The following CUBN variants were observed in gnomAD, a reference collection of about 807,000 sequenced individuals.
CUBN encodes cubilin.
A neutral mutation model predicts 405.3 loss-of-function variants in CUBN; 282 were observed. The ratio of observed to expected loss-of-function variants is 0.70; its 90% CI spans 0.63 to 0.77. The LOEUF (loss-of-function observed/expected upper bound fraction) is 0.77. CUBN is among the 30% of genes least tolerant of loss of function. CUBN has a pLI of 0.00. For synonymous variants in CUBN, 1,684 were observed against 1,617.0 expected, an observed-to-expected ratio of 1.04 and a Z score of -0.99; for missense variants, 4,514 against 4,475.2, an observed-to-expected ratio of 1.01 and a Z score of -0.25.
chr10:16,942,523 CAA>C (rs1842677825), intron 36 of CUBN, among the ~76,000 whole-genome samples: 1 of 152,128 alleles, frequency 6.6e-6, no homozygotes, highest in African/African-American at 2.4e-5. Context: ...ATCAAAACCA[CAA>C]AGAGATAACA....
At chr10:16,997,161 C>T (rs1373319978) in intron 28 of CUBN, among the ~76,000 whole-genome samples, 10 of 152,240 alleles carry the variant, frequency 6.6e-5, no homozygotes, top group East Asian at 5.8e-4. Context: ...GTGGGCTGGG[C>T]GCAGTGGCTC....
chr10:17,089,318 A>T (rs1485396766), intron 14 of CUBN, among the ~76,000 whole-genome samples: 1 of 152,242 alleles, frequency 6.6e-6, no homozygotes, highest in East Asian at 1.9e-4. Context: ...TTTAAAAGTT[A>T]CCAGTTTTAA....
rs1840446108 is a variant in CUBN at position 16,874,493 on chromosome 10, A to G, written c.9117T>C (p.Gly3039=). Residue 3039 remains glycine (G), a synonymous_variant, in exon 58 of 67, where the codon GGT becomes GGC. Transcript: ENST00000377833. The part of the protein sequence containing the change: ...KFSYRIISCG[G]VFNFSSGIIT... Reference sequence around the variant, plus strand: ...TGATTCCAGAAGAGAAATTGAACACACCACCACAGGCTGCAACAGAAGACA... The same window carrying G: ...TGATTCCAGAAGAGAAATTGAACACGCCACCACAGGCTGCAACAGAAGACA... The G allele has an allele frequency of 6.2e-7, 1 of 1,614,188 alleles. No homozygotes were observed.
chr10:17,047,234 G>A (rs1348592393), intron 23 of CUBN, among the ~76,000 whole-genome samples, 180 bp downstream of exon 23: 1 of 152,092 alleles, frequency 6.6e-6, no homozygotes, highest in Non-Finnish European at 1.5e-5. Flanking sequence ...AGAATCTTAT[G>A]CAATTCCTGT....
At chr10:16,895,215 C>G (rs937051690) in intron 54 of CUBN, among the ~76,000 whole-genome samples, 3 of 152,026 alleles carry the variant, frequency 2.0e-5, no homozygotes, top group Admixed American at 6.6e-5. Context: ...TATTTCAATT[C>G]CTTGACTTGG....
At chr10:17,008,999 T>A (rs1000769733) in intron 28 of CUBN, among the ~76,000 whole-genome samples, 1 of 152,204 alleles carries the variant, frequency 6.6e-6, no homozygotes, top group African/African-American at 2.4e-5. Flanking sequence ...ACCTCTCCCA[T>A]GGAAGAGCTC....
At chr10:17,122,052 A>G (rs1265150416) in intron 6 of CUBN, 1 of 152,336 alleles carries the variant, frequency 6.6e-6, no homozygotes, top group Non-Finnish European at 1.5e-5. Flanking sequence ...CTTCGTTTTT[A>G]GAAAGACAAT....
chr10:16,919,743 G>C (rs1017872961), intron 44 of CUBN, among the ~76,000 whole-genome samples: 17 of 152,150 alleles, frequency 1.1e-4, no homozygotes, highest in Admixed American at 3.9e-4. Context: ...TGCAGGAAGT[G>C]TCTAGGGTCA....
intron 48 of CUBN, among the ~76,000 whole-genome samples, chr10:16,912,398 T>C (rs1841758295): frequency 6.6e-6 from 1 of 152,184 alleles, no homozygotes. Flanking sequence ...TCCCCAGCAG[T>C]GAATGAAACT....
intron 59 of CUBN, among the ~76,000 whole-genome samples, chr10:16,853,220 T>C (rs2131341815): frequency 6.6e-6 from 1 of 152,318 alleles, no homozygotes; most frequent in Non-Finnish European, 1.5e-5. Context: ...AATGGTGAAA[T>C]AAGCTCAAAA....
At chr10:17,052,072 C>G (rs962974810) in intron 22 of CUBN, among the ~76,000 whole-genome samples, 1 of 152,092 alleles carries the variant, frequency 6.6e-6, no homozygotes, top group Non-Finnish European at 1.5e-5. Flanking sequence ...ACATCACATA[C>G]AGGGACATCA....
intron 51 of CUBN, 48 bp from the exon 52 acceptor site, chr10:16,901,507 G>A (rs776962836): frequency 4.5e-5 from 73 of 1,609,438 alleles, no homozygotes; most frequent in Non-Finnish European, 6.0e-5. Context: ...GTAAAAAAAA[G>A]AACCGATAAT....
At chr10:16,893,936 G>A (rs570088862) in intron 54 of CUBN, among the ~76,000 whole-genome samples, 1 of 152,268 alleles carries the variant, frequency 6.6e-6, no homozygotes, top group Non-Finnish European at 1.5e-5. Flanking sequence ...GAATAGGTGT[G>A]TAGTGATAGC....
rs549462448 is a variant in CUBN at position 17,129,672 on chromosome 10, T to C, written c.94A>G (p.Arg32Gly). Residue 32 changes from arginine (R) to glycine (G), a missense_variant, in exon 1 of 67, where the codon AGA (arginine) becomes GGA (glycine). Physicochemically the swap from Arg to Gly is moderately radical, Grantham distance 125. Around this residue, in one of 5 missense-constraint regions of CUBN, gnomAD observed 1,448 missense variants for 1,388.0 expected, o/e 1.04. Transcript: ENST00000377833. Reference sequence around the variant, plus strand: ...TGGAGATTGATGCTTCTTTTTTGTCTCTGCAGCTCAAGTTCTCCAGCTTCG... The same window carrying C: ...TGGAGATTGATGCTTCTTTTTTGTCCCTGCAGCTCAAGTTCTCCAGCTTCG... ...NGEAGELELQ[R>G]QKRSINLQQP... The C allele has an allele frequency of 1.9e-5, 31 of 1,614,176 alleles. No individual in the cohort carries two copies. The South Asian group carries it at 2.9e-4, about 15-fold the overall frequency.
At chr10:16,908,386 C>A (rs1841618518) in intron 48 of CUBN, among the ~76,000 whole-genome samples, 1 of 152,118 alleles carries the variant, frequency 6.6e-6, no homozygotes, top group Admixed American at 6.5e-5. Context: ...TTCAGGTGAT[C>A]CACCTGCTTT....
chr10:17,028,391 C>G lies in CUBN; in HGVS notation c.4018-8408G>C, dbSNP rs12258088. 4.5e-3 allele frequency among the ~76,000 whole-genome samples: 686 copies of G among 151,948 alleles called. 6 individuals are homozygous for G. The highest frequency in any genetic ancestry group is 0.016 in the African/African-American group (648 of 41,432). ...CCAGAGGACTGCCATCCGGGCTCTC[C>G]CTGAAGACAGTGAGATCAGGAAAAG... On this transcript the variant is annotated intron_variant, in intron 27 of 66. Coordinates refer to ENST00000377833, the MANE Select transcript of CUBN (RefSeq NM_001081.4).
In CUBN at chr10:16,830,485, C is replaced by A. The variant is rs186678769; in HGVS notation, c.10528+767G>T. 2.2e-3 allele frequency among the ~76,000 whole-genome samples: 336 copies of A among 152,154 alleles called. 1 individual carries two copies. Among genetic ancestry groups the A allele is most frequent in the African/African-American group, 7.9e-3 (329 of 41,504 alleles). On this transcript the variant is annotated intron_variant, in intron 65 of 66. Coordinates refer to ENST00000377833, the MANE Select transcript of CUBN (RefSeq NM_001081.4). The stretch of plus-strand genomic sequence containing the variant: ...AAATTTTCTTTAGTTGTTTGATAAA[C>A]AGCCAGCCAAAAATGTGAGAAGATA...
intron 22 of CUBN, among the ~76,000 whole-genome samples, chr10:17,049,539 C>A (rs1564494384): frequency 6.6e-6 from 1 of 152,126 alleles, no homozygotes; most frequent in Non-Finnish European, 1.5e-5. Context: ...CTTTATCTTG[C>A]TTACATGAAT....
Position 17,068,698 on chromosome 10 carries a change from T to C in CUBN, c.2698A>G (p.Thr900Ala). Residue 900 changes from threonine to alanine, a missense_variant, in exon 20 of 67, where the codon ACA becomes GCA. Physicochemically the swap from Thr to Ala is moderately conservative, Grantham distance 58. Coordinates refer to ENST00000377833, the MANE Select transcript of CUBN (RefSeq NM_001081.4). ...YCGTDIPSFI[T>A]SVYNFLYVTF... ...ACATAAAGAAAATTGTACACAGATGTTATAAATGAAGGTATGTCTGTACCG... is the reference window on the plus strand; with the variant it reads ...ACATAAAGAAAATTGTACACAGATGCTATAAATGAAGGTATGTCTGTACCG... 6.2e-7 allele frequency: 1 copy of C among 1,612,228 alleles called. No individual in the cohort carries two copies. Among genetic ancestry groups the C allele is most frequent in the Non-Finnish European group, 8.5e-7 (1 of 1,178,570 alleles).
Sources: allele counts gnomAD v4.1 joint callset (sites outside exome capture counted in the v4.1 genomes callset), GRCh38; gene constraint gnomAD v4.1.1; regional missense constraint gnomAD v4.1.1; transcripts MANE v1.5; gene names NCBI Gene and HGNC (gene_info 2026-07-23, HGNC 2026-07-21).